The following SMC5 variants were observed in gnomAD, a reference collection of about 807,000 sequenced individuals.
SMC5 encodes the protein structural maintenance of chromosomes 5.
A neutral mutation model predicts 148.3 loss-of-function variants in SMC5; 88 were observed. The observed-to-expected ratio is 0.59, with a 90% CI of 0.50 to 0.71. The LOEUF (loss-of-function observed/expected upper bound fraction) is 0.71. Ranked by LOEUF, SMC5 falls within the 30% of genes least tolerant of loss-of-function variation. The pLI is 0.00. For missense variants in SMC5, 1,142 were observed against 1,298.9 expected (o/e 0.88, Z 1.86); for synonymous variants, 421 against 432.8 (o/e 0.97, Z 0.34).
At position 70,318,908 on chromosome 9, in the gene SMC5, G is replaced by C; in HGVS notation, c.2095G>C (p.Glu699Gln). The C allele has an allele frequency of 6.2e-7, 1 of 1,611,210 alleles. No homozygotes were observed. The highest frequency in any genetic ancestry group is 8.5e-7 in the Non-Finnish European group (1 of 1,178,920). ...TAGACAAAAGAAGAAGGAGCTTCTT[G>C]AGAGAAAAACCAAGAAAAGACAACT... ...ELRQKKKELL[E>Q]RKTKKRQLEQ... Residue 699 changes from glutamate (E) to glutamine (Q), a missense_variant, in exon 15 of 25, where the codon GAG becomes CAG. By Grantham distance (29) the Glu-to-Gln change is conservative. This residue lies in a region of SMC5 where 743 missense variants were observed against 835.7 expected (regional missense o/e 0.89). Coordinates refer to ENST00000361138, the MANE Select transcript of SMC5 (RefSeq NM_015110.4).
At chr9:70,328,746 G>A (rs1315901707) in intron 17 of SMC5, among the ~76,000 whole-genome samples, 1 of 152,214 alleles carries the variant, frequency 6.6e-6, no homozygotes, top group Admixed American at 6.5e-5. Context: ...TGGGGACTCT[G>A]TGTAGGGCCT....
chr9:70,293,956 G>A (rs1260210824), intron 8 of SMC5, among the ~76,000 whole-genome samples: 2 of 152,034 alleles, frequency 1.3e-5, no homozygotes, highest in Non-Finnish European at 2.9e-5. Flanking sequence ...GTTTTTAATG[G>A]TCCTTCGTGA....
chr9:70,351,620 C>G (rs906908290), intron 24 of SMC5, among the ~76,000 whole-genome samples: 2 of 152,070 alleles, frequency 1.3e-5, no homozygotes, highest in Non-Finnish European at 2.9e-5. Flanking sequence ...TACTCTTTTC[C>G]AAGGTCTGCC....
intron 3 of SMC5, among the ~76,000 whole-genome samples, chr9:70,269,065 G>A (rs1218514189): frequency 6.6e-6 from 1 of 152,064 alleles, no homozygotes; most frequent in African/African-American, 2.4e-5. Flanking sequence ...TTATCTGATA[G>A]CCCTACTATT....
Position 70,258,991 on chromosome 9 carries a change from G to A in SMC5, c.-88G>A. On this transcript the variant is annotated 5_prime_UTR_variant, in exon 1 of 25. Transcript: ENST00000361138. The stretch of plus-strand genomic sequence containing the variant: ...ACAGTTCGCGGCAGTTCGCGCGGGA[G>A]CGGGGCGCCTGGGTGGATGGGCGCT... The A allele has an allele frequency of 7.0e-7, 1 of 1,428,022 alleles. No individual in the cohort carries two copies. The highest frequency in any genetic ancestry group is 9.3e-7 in the Non-Finnish European group (1 of 1,078,464). The allele number at this position is 1,428,022 out of a possible 1,614,324, so 88.5% of individuals were successfully genotyped here. A position where few individuals can be genotyped will look rare whatever the true frequency, so the allele number is the denominator to read the frequency against.
At chr9:70,290,273 G>A (rs1387465911) in intron 8 of SMC5, among the ~76,000 whole-genome samples, 1 of 152,120 alleles carries the variant, frequency 6.6e-6, no homozygotes, top group East Asian at 1.9e-4. Context: ...TTTACTTTAA[G>A]CCTATTTGTG....
intron 17 of SMC5, among the ~76,000 whole-genome samples, chr9:70,333,691 A>G (rs928763324): frequency 6.6e-6 from 1 of 152,206 alleles, no homozygotes; most frequent in Admixed American, 6.5e-5. Flanking sequence ...AGATCATGTC[A>G]CTGCACTCCA....
intron 22 of SMC5, among the ~76,000 whole-genome samples, 187 bp from the exon 23 acceptor site, chr9:70,349,927 A>C (rs2036762685): frequency 1.3e-5 from 2 of 152,174 alleles, no homozygotes; most frequent in Admixed American, 6.5e-5. Flanking sequence ...AAGCTTTTAG[A>C]TAGTAACTGT....
intron 22 of SMC5, among the ~76,000 whole-genome samples, chr9:70,349,847 G>A (rs922166740): frequency 1.1e-4 from 16 of 152,224 alleles, no homozygotes; most frequent in Non-Finnish European, 1.3e-4. Flanking sequence ...GAATAGAATG[G>A]TATAGAGGAG....
intron 6 of SMC5, among the ~76,000 whole-genome samples, chr9:70,281,654 G>A (rs1380621518): frequency 2.6e-5 from 4 of 152,132 alleles, no homozygotes; most frequent in Non-Finnish European, 4.4e-5. Flanking sequence ...ATTGTTACTT[G>A]CTTCAAAAAG....
At chr9:70,260,210 T>C (rs2034074121) in intron 1 of SMC5, among the ~76,000 whole-genome samples, 1 of 152,296 alleles carries the variant, frequency 6.6e-6, no homozygotes, top group South Asian at 2.1e-4. Context: ...TTTCAATCAA[T>C]TCTCCTGCCT....
chr9:70,267,862 T>C, intron 2 of SMC5, 61 bp from the exon 3 acceptor site: 1 of 1,423,264 alleles, frequency 7.0e-7, no homozygotes, highest in Admixed American at 2.0e-5. Context: ...GACTGCTAAA[T>C]CTCTGATTGT....
At chr9:70,286,620 A>G in intron 8 of SMC5, 1 of 175,440 alleles carries the variant, frequency 5.7e-6, no homozygotes. Flanking sequence ...TTATTTTGAA[A>G]AATCAGTGAT....
At chr9:70,339,346 G>C (rs368423653) in intron 17 of SMC5, among the ~76,000 whole-genome samples, 1 of 151,744 alleles carries the variant, frequency 6.6e-6, no homozygotes, top group Non-Finnish European at 1.5e-5. Flanking sequence ...GGAGAATGGC[G>C]TGAATCTGGG....
chr9:70,340,781 G>A (rs2118788074), intron 17 of SMC5, among the ~76,000 whole-genome samples: 1 of 152,018 alleles, frequency 6.6e-6, no homozygotes, highest in Non-Finnish European at 1.5e-5. Context: ...CCACAAGAGG[G>A]CCTTCTTAGA....
At chr9:70,259,788 C>T (rs1383600311) in intron 1 of SMC5, among the ~76,000 whole-genome samples, 1 of 152,130 alleles carries the variant, frequency 6.6e-6, no homozygotes, top group Non-Finnish European at 1.5e-5. Context: ...TCCCTACAAA[C>T]CCTTGACCCC....
chr9:70,331,357 G>A (rs1429256118), intron 17 of SMC5, among the ~76,000 whole-genome samples: 1 of 152,146 alleles, frequency 6.6e-6, no homozygotes, highest in Non-Finnish European at 1.5e-5. Context: ...CAAATATAAT[G>A]TGTATACCTT....
chr9:70,347,861 T>C, intron 21 of SMC5, 58 bp from the exon 22 acceptor site: 1 of 1,473,466 alleles, frequency 6.8e-7, no homozygotes, highest in Non-Finnish European at 9.2e-7. Context: ...TAAAATTGTG[T>C]GTCAGAATAT....
intron 1 of SMC5, among the ~76,000 whole-genome samples, chr9:70,261,064 A>G (rs746643765): frequency 3.9e-5 from 6 of 152,218 alleles, no homozygotes; most frequent in Admixed American, 1.3e-4. Flanking sequence ...TCTTGCAAGA[A>G]GTGAAGAGCA....
Sources: allele counts gnomAD v4.1 joint callset (sites outside exome capture counted in the v4.1 genomes callset), GRCh38; gene constraint gnomAD v4.1.1; regional missense constraint gnomAD v4.1.1; transcripts MANE v1.5; gene names NCBI Gene and HGNC (gene_info 2026-07-23, HGNC 2026-07-21).